The following HDAC9 variants were observed in gnomAD, a reference collection of about 807,000 sequenced individuals.
HDAC9 encodes MEF-2 interacting transcription repressor (MITR) protein.
HDAC9 carries 41 observed loss-of-function variants against 139.4 expected under a neutral mutation model. That is an observed-to-expected ratio of 0.29 (90% CI 0.23 to 0.38). The LOEUF is 0.38. Among genes scored for constraint, HDAC9 ranks in the 10% least tolerant of loss-of-function variants. The probability of loss-of-function intolerance (pLI) is 1.00; values close to 1 mark genes in which losing one functional copy is unlikely to be tolerated. For synonymous variants in HDAC9, 517 were observed against 476.2 expected, an observed-to-expected ratio of 1.09 and a Z score of -1.12; for missense variants, 1,147 against 1,297.0, an observed-to-expected ratio of 0.88 and a Z score of 1.78.
intron 12 of HDAC9, among the ~76,000 whole-genome samples, chr7:18,694,178 A>G (rs747270616): frequency 3.9e-5 from 6 of 152,200 alleles, no homozygotes; most frequent in Non-Finnish European, 7.3e-5. Flanking sequence ...TCATCATGCA[A>G]TAAATGGAAT....
intron 16 of HDAC9, among the ~76,000 whole-genome samples, chr7:18,791,382 T>G (rs1289716471): frequency 6.6e-6 from 1 of 152,192 alleles, no homozygotes; most frequent in Non-Finnish European, 1.5e-5. Context: ...TCTGTAGTGG[T>G]GGGAAAACTG....
intron 6 of HDAC9, among the ~76,000 whole-genome samples, chr7:18,610,265 A>G (rs1836744008): frequency 6.6e-6 from 1 of 152,156 alleles, no homozygotes; most frequent in Non-Finnish European, 1.5e-5. Flanking sequence ...GGGTCATTTA[A>G]ATGAATTTTC....
At chr7:18,533,734 C>T (rs576886055) in intron 2 of HDAC9, among the ~76,000 whole-genome samples, 25 of 151,978 alleles carry the variant, frequency 1.6e-4, no homozygotes, top group Non-Finnish European at 3.4e-4. Flanking sequence ...AATTATTTTC[C>T]TTTCTTTAAT....
At chr7:18,440,087 A>G (rs1224684806) in intron 1 of HDAC9, among the ~76,000 whole-genome samples, 1 of 152,122 alleles carries the variant, frequency 6.6e-6, no homozygotes, top group Non-Finnish European at 1.5e-5. Flanking sequence ...TGTAAGAGAA[A>G]TTCCTGTATG....
chr7:18,441,210 A>G lies in HDAC9; in HGVS notation c.-41-55052A>G, dbSNP rs528626361. 2.0e-5 allele frequency among the ~76,000 whole-genome samples: 3 copies of G among 152,352 alleles called. No individual in the cohort carries two copies. The South Asian group carries it at 6.2e-4, about 32-fold the overall frequency. On this transcript the variant is annotated intron_variant, in intron 1 of 3. Transcript: ENST00000413509. ...CTGTTCGTTTGTTAATAGCAACTTC[A>G]TAAGCTCTTTTATATCCAGTGCTGT...
chr7:18,810,544 A>C (rs1444249629), intron 17 of HDAC9, among the ~76,000 whole-genome samples: 3 of 151,932 alleles, frequency 2.0e-5, no homozygotes, highest in Non-Finnish European at 4.4e-5. Context: ...ATTACAGTGT[A>C]ATGTACACTG....
At chr7:18,365,872 G>A (rs1784138164) in intron 1 of HDAC9, among the ~76,000 whole-genome samples, 1 of 151,522 alleles carries the variant, frequency 6.6e-6, no homozygotes, top group South Asian at 2.1e-4. Context: ...TAGAGTTGAA[G>A]AGAAGATTAA....
chr7:18,174,370 T>C (rs925197358), intron 2 of HDAC9, among the ~76,000 whole-genome samples: 5 of 152,206 alleles, frequency 3.3e-5, no homozygotes, highest in African/African-American at 1.2e-4. Context: ...TCATGGTTTT[T>C]AGCTTCCTTG....
intron 2 of HDAC9, among the ~76,000 whole-genome samples, chr7:18,171,840 T>C (rs544043975): frequency 1.2e-3 from 178 of 152,326 alleles, no homozygotes; most frequent in African/African-American, 4.2e-3. Flanking sequence ...CTGCTGGATT[T>C]GGTTTGCCAG....
intron 13 of HDAC9, among the ~76,000 whole-genome samples, chr7:18,737,197 T>C (rs911640978): frequency 1.3e-5 from 2 of 152,184 alleles, no homozygotes; most frequent in East Asian, 1.9e-4. Flanking sequence ...TCCTGGATCA[T>C]TGATTTTTTG....
intron 1 of HDAC9, among the ~76,000 whole-genome samples, chr7:18,375,619 G>A (rs1784939231): frequency 6.6e-6 from 1 of 152,142 alleles, no homozygotes; most frequent in Admixed American, 6.5e-5. Context: ...CTGGCACTTC[G>A]CTGAGGGGTG....
At chr7:18,708,175 G>C (rs1315939427) in intron 12 of HDAC9, among the ~76,000 whole-genome samples, 1 of 152,136 alleles carries the variant, frequency 6.6e-6, no homozygotes, top group Non-Finnish European at 1.5e-5. Flanking sequence ...GGGAGTTACT[G>C]TTTGTTGGCG....
chr7:18,557,236 G>GA (rs1246129190), intron 2 of HDAC9, among the ~76,000 whole-genome samples: 1 of 151,724 alleles, frequency 6.6e-6, no homozygotes, highest in Non-Finnish European at 1.5e-5. Context: ...TTCTCCATGT[G>GA]ATATTGACTT....
chr7:18,541,332 C>A (rs1345013475), intron 2 of HDAC9, among the ~76,000 whole-genome samples: 2 of 151,856 alleles, frequency 1.3e-5, no homozygotes, highest in African/African-American at 4.8e-5. Context: ...GGTGTGCCAG[C>A]CAAGATTCCA....
chr7:18,102,252 G>C (rs1216963665), intron 1 of HDAC9, among the ~76,000 whole-genome samples: 2 of 152,066 alleles, frequency 1.3e-5, no homozygotes, highest in Non-Finnish European at 2.9e-5. Context: ...TCCTTGAGGT[G>C]GTATAGTTCC....
intron 14 of HDAC9, among the ~76,000 whole-genome samples, chr7:18,752,505 T>C (rs137989036): frequency 1.6e-3 from 249 of 152,248 alleles, no homozygotes; most frequent in African/African-American, 5.6e-3. Context: ...TATCAGAAGT[T>C]AAACTTTTGT....
upstream of HDAC9, among the ~76,000 whole-genome samples, chr7:18,493,894 A>G (rs1796550257): frequency 6.6e-6 from 1 of 152,018 alleles, no homozygotes; most frequent in African/African-American, 2.4e-5. Context: ...GGCAACTCGC[A>G]GGTACCTTAT....
intron 12 of HDAC9, among the ~76,000 whole-genome samples, chr7:18,713,454 T>A (rs1391589990): frequency 3.3e-5 from 5 of 152,158 alleles, no homozygotes; most frequent in Non-Finnish European, 7.4e-5. Flanking sequence ...GTTAATTAGA[T>A]TGATTTAGCT....
At chr7:18,865,583 G>T (rs144349844) in intron 21 of HDAC9, among the ~76,000 whole-genome samples, 7 of 152,118 alleles carry the variant, frequency 4.6e-5, no homozygotes, top group African/African-American at 1.4e-4. Context: ...TTCATTTAGT[G>T]CCCCCCACAA....
Sources: allele counts gnomAD v4.1 joint callset (sites outside exome capture counted in the v4.1 genomes callset), GRCh38; gene constraint gnomAD v4.1.1; transcripts MANE v1.5; gene names NCBI Gene and HGNC (gene_info 2026-07-23, HGNC 2026-07-21).